ECHDC2: variants seen among roughly 807,000 people sequenced by gnomAD.
ECHDC2 encodes the protein enoyl-CoA hydratase domain-containing protein 2, mitochondrial.
ECHDC2 carries 34 observed loss-of-function variants against 40.6 expected under a neutral mutation model. The observed-to-expected ratio is 0.84, with a 90% CI of 0.64 to 1.11. The LOEUF (loss-of-function observed/expected upper bound fraction) is 1.11. ECHDC2 is among the 50% of genes most tolerant of loss of function. ECHDC2 has a pLI of 0.00. For synonymous variants in ECHDC2, 162 were observed against 166.6 expected, an observed-to-expected ratio of 0.97 and a Z score of 0.21; for missense variants, 392 against 400.7, an observed-to-expected ratio of 0.98 and a Z score of 0.19.
At chr1:52,912,132 A>G in intron 1 of ECHDC2, 1 of 812,760 alleles carries the variant, frequency 1.2e-6, no homozygotes, top group South Asian at 4.6e-5. Context: ...ACATGCACCC[A>G]TGTACCTTCT....
At chr1:52,907,808 G>C (rs1003891859) in intron 4 of ECHDC2, 60 bp downstream of exon 4, 4 of 1,419,464 alleles carry the variant, frequency 2.8e-6, no homozygotes, top group Non-Finnish European at 4.0e-6. Flanking sequence ...TGGGGGTAGC[G>C]GGACTGTCAT....
In ECHDC2 at chr1:52,914,209, C is replaced by T. The variant is rs1477988023; in HGVS notation, c.122-2419G>A. 2.5e-6 allele frequency: 1 copy of T among 396,626 alleles called. No individual in the cohort carries two copies. The highest frequency in any genetic ancestry group is 7.2e-5 in the East Asian group (1 of 13,976). 24.6% of individuals were successfully genotyped at this position (396,626 alleles called of 1,614,324 possible). On this transcript the variant is annotated intron_variant, in intron 1 of 9. Coordinates refer to ENST00000371522, the MANE Select transcript of ECHDC2 (RefSeq NM_001198961.2). The surrounding 1 kb of genome is among the most constrained non-coding windows in gnomAD (Gnocchi z 4.0). ...AGAGGGGAGCCCTAGTATAGAAGGTCAGCAATGAGTTATCAGAGGAGGCAG... is the reference window on the plus strand; with the variant it reads ...AGAGGGGAGCCCTAGTATAGAAGGTTAGCAATGAGTTATCAGAGGAGGCAG...
intron 7 of ECHDC2, among the ~76,000 whole-genome samples, chr1:52,903,512 G>A (rs1360965919): frequency 6.6e-6 from 1 of 151,918 alleles, no homozygotes; most frequent in South Asian, 2.1e-4. Context: ...GTGCAGTGGC[G>A]TGACCAGCTT....
rs1415930575 is a variant in ECHDC2 at position 52,897,358 on chromosome 1, T to C, written c.801+79A>G. The C allele has an allele frequency of 5.0e-6, 7 of 1,389,106 alleles. No individual in the cohort carries two copies. In the Admixed American group the frequency reaches 1.0e-4, roughly 20 times the overall value. 86.0% of individuals were successfully genotyped at this position (1,389,106 alleles called of 1,614,324 possible). A position where few individuals can be genotyped will look rare whatever the true frequency, so the allele number is the denominator to read the frequency against. On this transcript the variant is annotated intron_variant, in intron 9 of 9. Transcript: ENST00000371522. ...TTGTGTTGAGAAGAACCTTCTAAAA[T>C]TGGTCATGTACCATACAAAGTCCCT... is the stretch of plus-strand genomic sequence containing the variant.
rs1402099360 is a variant in ECHDC2 at position 52,896,268 on chromosome 1, G to A, written c.*252C>T. 1 of 497,958 alleles carries A rather than the reference G, an allele frequency of 2.0e-6. No individual in the cohort carries two copies. Among genetic ancestry groups the A allele is most frequent in the Non-Finnish European group, 3.7e-6 (1 of 273,102 alleles). 30.8% of individuals were successfully genotyped at this position (497,958 alleles called of 1,614,324 possible). A position where few individuals can be genotyped will look rare whatever the true frequency, so the allele number is the denominator to read the frequency against. On this transcript the variant is annotated 3_prime_UTR_variant, in exon 10 of 10. Transcript: ENST00000371522. ...TCTTTATCATTCAAGTAGAGAGACA[G>A]GCATTTTCCAAAGCAAACCCAACCC...
intron 5 of ECHDC2, 128 bp downstream of exon 5, chr1:52,906,391 C>T: frequency 1.2e-6 from 1 of 820,240 alleles, no homozygotes; most frequent in East Asian, 2.7e-5. Context: ...TGTGCTCTGC[C>T]TTGCCTTAGT....
intron 4 of ECHDC2, chr1:52,907,559 G>A: frequency 3.0e-6 from 1 of 338,116 alleles, no homozygotes. Context: ...TAACCAAGAA[G>A]GGGTATCTCA....
chr1:52,915,258 C>A (rs1650427840), intron 1 of ECHDC2: 1 of 455,852 alleles, frequency 2.2e-6, no homozygotes, highest in Non-Finnish European at 4.4e-6. Flanking sequence ...CTTCAAAGAC[C>A]CCTTATTATT....
intron 9 of ECHDC2, chr1:52,896,820 T>C: frequency 1.9e-6 from 1 of 533,790 alleles, no homozygotes; most frequent in Non-Finnish European, 3.4e-6. Context: ...AGCATTAGCC[T>C]CCACTTGCAC....
Position 52,897,612 on chromosome 1 carries a change from C to G in ECHDC2, c.754-128G>C, listed in dbSNP as rs1571901022. 10 of 890,598 alleles carry G rather than the reference C, an allele frequency of 1.1e-5. No homozygotes were observed. The East Asian group carries it at 1.5e-4, about 13-fold the overall frequency. 55.2% of individuals were successfully genotyped at this position (890,598 alleles called of 1,614,324 possible). On this transcript the variant is annotated intron_variant, in intron 8 of 9. Coordinates refer to ENST00000371522, the MANE Select transcript of ECHDC2 (RefSeq NM_001198961.2). ...GATAGCTATGAGAAGGAATTTCCCT[C>G]CTAGAGAAGAAACACCATTCGTAAC...
chr1:52,897,731 C>T, intron 8 of ECHDC2: 1 of 581,206 alleles, frequency 1.7e-6, no homozygotes, highest in South Asian at 2.0e-5. Flanking sequence ...ACCACGCTTC[C>T]TGTCACCCGT....
chr1:52,921,316 C>G (rs867129518), intron 1 of ECHDC2: 48 of 925,190 alleles, frequency 5.2e-5, no homozygotes, highest in Middle Eastern at 7.2e-4. Context: ...CGGAAGACCC[C>G]AAAGGGCCTT....
intron 1 of ECHDC2, among the ~76,000 whole-genome samples, chr1:52,916,427 C>G (rs765933107): frequency 1.3e-5 from 2 of 152,186 alleles, no homozygotes; most frequent in Admixed American, 6.5e-5. Flanking sequence ...ACAACTCAGC[C>G]ACACACCAGC....
chr1:52,915,119 A>G (rs1650393136), intron 1 of ECHDC2: 6 of 424,468 alleles, frequency 1.4e-5, no homozygotes, highest in South Asian at 1.0e-4. Context: ...GGCTCTGGGA[A>G]GGAGCTCACA....
Position 52,911,643 on chromosome 1 carries a change from G to A in ECHDC2, c.200C>T (p.Thr67Ile). 6.2e-7 allele frequency: 1 copy of A among 1,614,194 alleles called. No homozygotes were observed. The highest frequency in any genetic ancestry group is 1.3e-5 in the African/African-American group (1 of 75,042). Residue 67 changes from threonine to isoleucine, a missense_variant, in exon 3 of 10, where the codon ACT becomes ATT. Transcript: ENST00000371522. ...CCGGTCCTCCCGCAGCTGGGCCAGAGTTTCCAGCAGCTACAGAGGACACCC... is the reference window on the plus strand; with the variant it reads ...CCGGTCCTCCCGCAGCTGGGCCAGAATTTCCAGCAGCTACAGAGGACACCC... ...GNVFVSELLE[T>I]LAQLREDRQV... is the part of the protein sequence containing the mutation.
rs184013733 is a variant in ECHDC2 at position 52,919,155 on chromosome 1, A to C, written c.121+2398T>G. 6.2e-4 allele frequency among the ~76,000 whole-genome samples: 95 copies of C among 152,174 alleles called. 1 individual carries two copies. Among genetic ancestry groups the C allele is most frequent in the African/African-American group, 2.1e-3 (88 of 41,510 alleles). On this transcript the variant is annotated intron_variant, in intron 1 of 9. Transcript: ENST00000371522. Reference sequence around the variant, plus strand: ...TCTGTCCGCCCGCAAGTCCATGGAAAAACTGTCTTTCATGAAAATAGTCCC... The same window carrying C: ...TCTGTCCGCCCGCAAGTCCATGGAACAACTGTCTTTCATGAAAATAGTCCC...
rs3820268 is a variant in ECHDC2 at position 52,914,843 on chromosome 1, C to G, written c.122-3053G>C. Among the ~76,000 whole-genome samples, 4,119 of 152,236 alleles carry G rather than the reference C, an allele frequency of 0.027. 148 individuals are homozygous for G. The highest frequency in any genetic ancestry group is 0.19 in the East Asian group (977 of 5,170). On this transcript the variant is annotated intron_variant, in intron 1 of 9. Coordinates refer to ENST00000371522, the MANE Select transcript of ECHDC2 (RefSeq NM_001198961.2). The surrounding 1 kb of genome is among the most constrained non-coding windows in gnomAD (Gnocchi z 4.0). ...CACAGCCATTAATCTGGCATAGGCT[C>G]TTTCCTGCATCCCTCGGATCACCCA... is the stretch of plus-strand genomic sequence containing the variant.
chr1:52,905,240 T>C, intron 5 of ECHDC2, 150 bp from the exon 6 acceptor site: 1 of 778,164 alleles, frequency 1.3e-6, no homozygotes, highest in Non-Finnish European at 2.1e-6. Flanking sequence ...GACTCTGCCT[T>C]TGGAAGAGCC....
Position 52,896,123 on chromosome 1 carries a change from C to A in ECHDC2, c.*397G>T. On this transcript the variant is annotated 3_prime_UTR_variant, in exon 10 of 10. Coordinates refer to ENST00000371522, the MANE Select transcript of ECHDC2 (RefSeq NM_001198961.2). ...GAGTTTATTTATTACCTCTGTTGTT[C>A]ACAGGAAGAAACTAGGGGTATCTTA... The A allele has an allele frequency of 5.2e-6, 1 of 193,754 alleles. No homozygotes were observed. Among genetic ancestry groups the A allele is most frequent in the Non-Finnish European group, 1.1e-5 (1 of 91,344 alleles). 12.0% of individuals were successfully genotyped at this position (193,754 alleles called of 1,614,324 possible). A position where few individuals can be genotyped will look rare whatever the true frequency, so the allele number is the denominator to read the frequency against.
Sources: gnomAD v4.1 joint callset for allele counts (sites outside exome capture counted in the v4.1 genomes callset) on GRCh38, gnomAD v4.1.1 for gene constraint, Gnocchi (gnomAD v3.1) non-coding constraint, MANE v1.5 for transcripts, NCBI Gene and HGNC (gene_info 2026-07-23, HGNC 2026-07-21) for gene names.